HNRNPR: variants seen among roughly 807,000 people sequenced by gnomAD.
HNRNPR encodes the protein heterogeneous nuclear ribonucleoprotein R.
A neutral mutation model predicts 70.3 loss-of-function variants in HNRNPR; 4 were observed. That is an observed-to-expected ratio of 0.06 (90% CI 0.03 to 0.13). HNRNPR has a LOEUF of 0.13. Among genes scored for constraint, HNRNPR ranks in the 10% least tolerant of loss-of-function variants. The pLI is 1.00. For missense variants in HNRNPR, 423 were observed against 788.5 expected, an observed-to-expected ratio of 0.54 and a Z score of 5.55; for synonymous variants, 241 against 267.6, an observed-to-expected ratio of 0.90 and a Z score of 0.97.
intron 4 of HNRNPR, among the ~76,000 whole-genome samples, chr1:23,334,395 C>T (rs976527632): frequency 1.3e-5 from 2 of 152,064 alleles, no homozygotes; most frequent in Non-Finnish European, 2.9e-5. Flanking sequence ...CGCCACAACG[C>T]CCGGCTAATT....
rs1391402643 is a variant in HNRNPR at position 23,310,649 on chromosome 1, T to G, written c.1707A>C (p.Val569=). The G allele has an allele frequency of 5.6e-6, 9 of 1,613,820 alleles. No individual in the cohort carries two copies. Among genetic ancestry groups the G allele is most frequent in the African/African-American group, 1.3e-5 (1 of 75,020 alleles). ...ACCCATCTGCCTTTCTCTTGCCTCC[T>G]ACATTGCCCCCACGATTGCCCCGAG... is the stretch of plus-strand genomic sequence containing the variant. ...RGSRGNRGGN[V]GGKRKADGYN... is the part of the protein sequence containing the mutation. Residue 569 remains valine, a synonymous_variant, in exon 11 of 11, where the codon GTA becomes GTC. Transcript: ENST00000302271. This position sits in a 1 kb window ranked among gnomAD's most constrained non-coding sequence, Gnocchi z 6.0.
At chr1:23,312,936 A>G (rs923340212) in intron 9 of HNRNPR, among the ~76,000 whole-genome samples, 1 of 152,170 alleles carries the variant, frequency 6.6e-6, no homozygotes. Context: ...GTCCTAAACC[A>G]TTGTCGATAG....
chr1:23,338,783 AT>A (rs746730940), intron 2 of HNRNPR, among the ~76,000 whole-genome samples, 175 bp from the exon 3 acceptor site: 1 of 152,220 alleles, frequency 6.6e-6, no homozygotes, highest in Admixed American at 6.5e-5. Flanking sequence ...TCCAGGACAA[AT>A]ATGAAAATAA....
intron 1 of HNRNPR, among the ~76,000 whole-genome samples, chr1:23,341,869 A>AAAT (rs1405391776): frequency 7.9e-5 from 12 of 152,206 alleles, no homozygotes; most frequent in Admixed American, 7.2e-4. Context: ...AACCTATCAA[A>AAAT]AATAATTTTG....
At chr1:23,326,255 C>T (rs149691037) in intron 5 of HNRNPR, among the ~76,000 whole-genome samples, 1 of 151,960 alleles carries the variant, frequency 6.6e-6, no homozygotes, top group Non-Finnish European at 1.5e-5. Context: ...ATGCTTAATA[C>T]CGTGAAGCCA....
intron 5 of HNRNPR, among the ~76,000 whole-genome samples, chr1:23,325,219 A>C (rs927002743): frequency 3.3e-5 from 5 of 152,218 alleles, no homozygotes; most frequent in African/African-American, 1.2e-4. Context: ...TTTGCATGAC[A>C]AATTTTCTAG....
chr1:23,311,148 CA>C, intron 10 of HNRNPR, 52 bp downstream of exon 10: 1 of 1,610,924 alleles, frequency 6.2e-7, no homozygotes, highest in Non-Finnish European at 8.5e-7. Flanking sequence ...ATCTGATCTC[CA>C]TTATCACGTT....
At chr1:23,315,838 T>C (rs369638395) in intron 8 of HNRNPR, among the ~76,000 whole-genome samples, 6 of 152,298 alleles carry the variant, frequency 3.9e-5, no homozygotes, top group East Asian at 3.9e-4. Context: ...CCATCCCCTT[T>C]ATTATTCTCA....
At chr1:23,311,695 C>A (rs559523859) in intron 9 of HNRNPR, 70 of 170,298 alleles carry the variant, frequency 4.1e-4, no homozygotes, top group African/African-American at 1.7e-3. Flanking sequence ...ACGAGCCAGA[C>A]AAAGATTAAC....
chr1:23,343,255 T>A (rs1290692474), intron 1 of HNRNPR, among the ~76,000 whole-genome samples: 1 of 152,194 alleles, frequency 6.6e-6, no homozygotes, highest in Non-Finnish European at 1.5e-5. Flanking sequence ...ATGTCAGCAC[T>A]AACTCCTCCC....
chr1:23,343,631 A>C (rs1253169673), intron 1 of HNRNPR, among the ~76,000 whole-genome samples: 1 of 152,114 alleles, frequency 6.6e-6, no homozygotes, highest in Non-Finnish European at 1.5e-5. Flanking sequence ...TTTTCCTTCA[A>C]ATCTCAGCCC....
At position 23,310,393 on chromosome 1, in the gene HNRNPR, G is replaced by GT; in HGVS notation, c.*60_*61insA. 1 of 1,426,302 alleles carries GT rather than the reference G, an allele frequency of 7.0e-7. No homozygotes were observed. Among genetic ancestry groups the GT allele is most frequent in the African/African-American group, 1.4e-5 (1 of 69,256 alleles). 88.4% of individuals were successfully genotyped at this position (1,426,302 alleles called of 1,614,324 possible). On this transcript the variant is annotated 3_prime_UTR_variant, in exon 11 of 11. Coordinates refer to ENST00000302271, the MANE Select transcript of HNRNPR (RefSeq NM_005826.5). The surrounding 1 kb of genome is among the most constrained non-coding windows in gnomAD (Gnocchi z 6.0). ...AACAGTTAAGCCAATTTTTTTTTTT[G>GT]AAGAATGTAGATCTAGAGCCAATCG...
chr1:23,305,112 G>A lies in HNRNPR; in HGVS notation c.*5342C>T, dbSNP rs538612499. The A allele has an allele frequency of 6.6e-6, 1 of 152,264 alleles. No individual in the cohort carries two copies. Among genetic ancestry groups the A allele is most frequent in the South Asian group, 2.1e-4 (1 of 4,814 alleles). 9.4% of individuals were successfully genotyped at this position (152,264 alleles called of 1,614,324 possible). A position where few individuals can be genotyped will look rare whatever the true frequency, so the allele number is the denominator to read the frequency against. On this transcript the variant is annotated 3_prime_UTR_variant, in exon 11 of 11. Transcript: ENST00000302271. The stretch of plus-strand genomic sequence containing the variant: ...AGCAATTTAAGTTTTTCCCCAGAAT[G>A]TCTCCTTTGTTGGTTCCACAAAATG...
chr1:23,311,853 A>T (rs1001747085), intron 9 of HNRNPR: 1 of 152,618 alleles, frequency 6.6e-6, no homozygotes, highest in Non-Finnish European at 1.5e-5. Context: ...CTAACACAAA[A>T]AAGCCTAGGT....
chr1:23,311,966 A>G (rs1204385329), intron 9 of HNRNPR: 3 of 152,298 alleles, frequency 2.0e-5, no homozygotes, highest in African/African-American at 7.2e-5. Flanking sequence ...TTATGTAGAA[A>G]GCAGTAATCA....
chr1:23,337,638 G>A (rs572144433), intron 4 of HNRNPR, 116 bp downstream of exon 4: 1 of 665,604 alleles, frequency 1.5e-6, no homozygotes, highest in Non-Finnish European at 2.6e-6. Flanking sequence ...CTGGGCGACA[G>A]AGCAAGACTC....
chr1:23,336,239 AAC>A (rs1646477915), intron 4 of HNRNPR, among the ~76,000 whole-genome samples: 1 of 151,426 alleles, frequency 6.6e-6, no homozygotes, highest in African/African-American at 2.4e-5. Context: ...CAGCCTGGCT[AAC>A]ACAGTGAAAC....
rs1253556644 is a variant in HNRNPR, at chr1:23,308,918, T to A, written c.*1536A>T. On this transcript the variant is annotated 3_prime_UTR_variant, in exon 11 of 11. Transcript: ENST00000302271. ...TCCCCAATGGCTTCTGATATTTTTA[T>A]CATTATAAAAACATTTGAGAACCAC... 2.0e-5 allele frequency: 3 copies of A among 152,096 alleles called. No homozygotes were observed. The highest frequency in any genetic ancestry group is 2.0e-4 in the Admixed American group (3 of 15,282). The allele number at this position is 152,096 out of a possible 1,614,324, so 9.4% of individuals were successfully genotyped here.
Position 23,323,736 on chromosome 1 carries a change from A to C in HNRNPR, c.499-4T>G. ...TTGGTATTTTGCCTACAAATACCTG[A>C]AATAAAACCCCCTTATTAGAATCCA... On this transcript the variant is annotated splice_polypyrimidine_tract_variant and splice_region_variant and intron_variant, in intron 5 of 10. Coordinates refer to ENST00000302271, the MANE Select transcript of HNRNPR (RefSeq NM_005826.5). The C allele has an allele frequency of 1.9e-6, 3 of 1,611,738 alleles. No individual in the cohort carries two copies. Among genetic ancestry groups the C allele is most frequent in the South Asian group, 2.2e-5 (2 of 91,042 alleles).
Sources: gnomAD v4.1 joint callset for allele counts (sites outside exome capture counted in the v4.1 genomes callset) on GRCh38, gnomAD v4.1.1 for gene constraint, Gnocchi (gnomAD v3.1) non-coding constraint, MANE v1.5 for transcripts, NCBI Gene and HGNC (gene_info 2026-07-23, HGNC 2026-07-21) for gene names.